Variants in ASIC2 observed in about 807,000 individuals in gnomAD.
ASIC2 encodes the protein acid sensing ion channel subunit 2, also known as acid-sensing ion channel 2.
ASIC2 carries 25 observed loss-of-function variants against 57.3 expected under a neutral mutation model. The observed-to-expected ratio is 0.44, with a 90% CI of 0.32 to 0.61. The LOEUF (loss-of-function observed/expected upper bound fraction) is 0.61, where lower values mean the gene tolerates loss of function less well. Among genes scored for constraint, ASIC2 ranks in the 20% least tolerant of loss-of-function variants. The pLI is 0.06. For synonymous variants in ASIC2, 319 were observed against 307.5 expected (o/e 1.04, Z -0.39); for missense variants, 641 against 738.1 (o/e 0.87, Z 1.52).
At chr17:33,728,037 C>G (rs1909620062) in intron 1 of ASIC2, among the ~76,000 whole-genome samples, 1 of 152,176 alleles carries the variant, frequency 6.6e-6, no homozygotes, top group African/African-American at 2.4e-5. Context: ...AGGAGATGTG[C>G]TGTGGTAGAG....
At chr17:33,125,810 T>C (rs1178665411) in intron 1 of ASIC2, among the ~76,000 whole-genome samples, 10 of 152,250 alleles carry the variant, frequency 6.6e-5, no homozygotes, top group Non-Finnish European at 1.3e-4. Flanking sequence ...TTTCTGCTAC[T>C]GCTTTCACAT....
chr17:33,917,859 C>T (rs1205883229), intron 1 of ASIC2, among the ~76,000 whole-genome samples: 1 of 146,256 alleles, frequency 6.8e-6, no homozygotes, highest in Non-Finnish European at 1.5e-5. Context: ...GCCCGGTACA[C>T]ACACACACAC....
chr17:33,038,554 C>T (rs1303311500), intron 3 of ASIC2, among the ~76,000 whole-genome samples: 1 of 152,172 alleles, frequency 6.6e-6, no homozygotes, highest in Non-Finnish European at 1.5e-5. Context: ...GATTGAGATG[C>T]TCCTGCATGT....
At chr17:33,865,087 T>C (rs996632527) in intron 1 of ASIC2, among the ~76,000 whole-genome samples, 2 of 152,188 alleles carry the variant, frequency 1.3e-5, no homozygotes, top group African/African-American at 4.8e-5. Flanking sequence ...CTTTCCAACA[T>C]TTAATTACAT....
intron 1 of ASIC2, among the ~76,000 whole-genome samples, chr17:33,707,113 T>C (rs910200380): frequency 1.3e-5 from 2 of 152,256 alleles, no homozygotes; most frequent in African/African-American, 4.8e-5. Context: ...GATAGTGCTA[T>C]TGATAATTTT....
intron 1 of ASIC2, among the ~76,000 whole-genome samples, chr17:34,113,350 C>T (rs1359870118): frequency 2.0e-5 from 3 of 152,056 alleles, no homozygotes; most frequent in Non-Finnish European, 4.4e-5. Context: ...TGCTTGAGCT[C>T]AAGGGTTTGA....
rs569585954 is a variant in ASIC2, at chr17:33,490,671, G to A, written c.556-378604C>T. 8.5e-5 allele frequency among the ~76,000 whole-genome samples: 13 copies of A among 152,240 alleles called. No individual in the cohort carries two copies. In the South Asian group the frequency reaches 1.5e-3, roughly 17 times the overall value. The stretch of plus-strand genomic sequence containing the variant: ...TTTTGCCTTCCGCCCTGATTGCGAG[G>A]CCTCCCCAGCCACGTGGAACTGTGA... On this transcript the variant is annotated intron_variant, in intron 1 of 9. Coordinates refer to the ASIC2 transcript ENST00000359872.
At chr17:33,252,566 G>A (rs184724566) in intron 1 of ASIC2, among the ~76,000 whole-genome samples, 18 of 152,164 alleles carry the variant, frequency 1.2e-4, no homozygotes, top group Non-Finnish European at 2.1e-4. Flanking sequence ...GCCATAGGAA[G>A]GTGTGTGCCC....
At chr17:33,564,890 C>T (rs569966721) in intron 1 of ASIC2, among the ~76,000 whole-genome samples, 3 of 152,356 alleles carry the variant, frequency 2.0e-5, no homozygotes, top group East Asian at 3.9e-4. Flanking sequence ...CATGCTCCTG[C>T]TGCAGTTAAC....
chr17:33,184,100 C>A lies in ASIC2; in HGVS notation c.709-72033G>T, dbSNP rs186997408. On this transcript the variant is annotated intron_variant, in intron 1 of 9. Transcript: ENST00000225823. ...GGAGGCTATTACTACAATTGAGCTA[C>A]ACAACCCAACCCCTTTACTTTAGAG... is the stretch of plus-strand genomic sequence containing the variant. Among the ~76,000 whole-genome samples, 542 of 152,274 alleles carry A rather than the reference C, an allele frequency of 3.6e-3. 5 individuals are homozygous for A. Among genetic ancestry groups the A allele is most frequent in the African/African-American group, 0.012 (502 of 41,550 alleles).
At chr17:33,768,752 A>G (rs755948875) in intron 1 of ASIC2, among the ~76,000 whole-genome samples, 1 of 152,018 alleles carries the variant, frequency 6.6e-6, no homozygotes, top group African/African-American at 2.4e-5. Context: ...GCCTTTTCCA[A>G]TACTGCCTAA....
At chr17:34,099,415 G>C (rs1015257269) in intron 1 of ASIC2, among the ~76,000 whole-genome samples, 6 of 124,296 alleles carry the variant, frequency 4.8e-5, no homozygotes, top group African/African-American at 2.0e-4. Flanking sequence ...AGGAAGGAAA[G>C]AAAGAATGAA....
intron 1 of ASIC2, among the ~76,000 whole-genome samples, chr17:33,556,552 A>G (rs1437040761): frequency 2.6e-5 from 4 of 152,238 alleles, no homozygotes; most frequent in Non-Finnish European, 5.9e-5. Context: ...GCTCTCTTCT[A>G]GGTGCTTCAG....
At chr17:33,105,035 C>A (rs1398456161) in intron 2 of ASIC2, among the ~76,000 whole-genome samples, 2 of 152,156 alleles carry the variant, frequency 1.3e-5, no homozygotes, top group East Asian at 3.8e-4. Context: ...TGTTTCCTCT[C>A]AACAAATATG....
intron 1 of ASIC2, among the ~76,000 whole-genome samples, chr17:34,012,252 C>T (rs1906796460): frequency 6.6e-6 from 1 of 152,110 alleles, no homozygotes; most frequent in African/African-American, 2.4e-5. Context: ...TATCTCGATG[C>T]CTCCAATTGT....
At position 33,201,552 on chromosome 17, in the gene ASIC2, C is replaced by T. The variant is rs138159700; in HGVS notation, c.709-89485G>A. Reference sequence around the variant, plus strand: ...TTTCATGGCAATGACCTAGAAGTTACCACCCCTTTTCTAGACATTTCTGAA... The same window carrying T: ...TTTCATGGCAATGACCTAGAAGTTATCACCCCTTTTCTAGACATTTCTGAA... On this transcript the variant is annotated intron_variant, in intron 1 of 9. Coordinates refer to ENST00000225823, the MANE Select transcript of ASIC2 (RefSeq NM_183377.2). Among the ~76,000 whole-genome samples, 778 of 152,314 alleles carry T rather than the reference C, an allele frequency of 5.1e-3. 2 individuals are homozygous for T. The highest frequency in any genetic ancestry group is 0.01 in the Middle Eastern group (3 of 294).
chr17:34,087,674 C>T (rs1425437872), intron 1 of ASIC2, among the ~76,000 whole-genome samples: 1 of 152,012 alleles, frequency 6.6e-6, no homozygotes. Context: ...CTTTCAGGTA[C>T]ACCAATCAGA....
intron 1 of ASIC2, among the ~76,000 whole-genome samples, chr17:33,351,217 G>GC (rs938623481): frequency 2.2e-4 from 34 of 152,006 alleles, no homozygotes; most frequent in African/African-American, 6.8e-4. Flanking sequence ...ATGGTATTTG[G>GC]CCCCCCTCCT....
chr17:33,295,700 C>T (rs1321768004), upstream of ASIC2, among the ~76,000 whole-genome samples: 2 of 152,176 alleles, frequency 1.3e-5, no homozygotes, highest in African/African-American at 2.4e-5. Flanking sequence ...TGACCTAGCA[C>T]GTTGATGAAA....
Sources: gnomAD v4.1 joint callset for allele counts (sites outside exome capture counted in the v4.1 genomes callset) on GRCh38, gnomAD v4.1.1 for gene constraint, MANE v1.5 for transcripts, NCBI Gene and HGNC (gene_info 2026-07-23, HGNC 2026-07-21) for gene names.